Variants in COMMD1 observed in about 807,000 individuals in gnomAD.
COMMD1 encodes copper metabolism domain containing 1.
Under a neutral mutation model 17.2 loss-of-function variants are expected in COMMD1, and 10 were observed. The ratio of observed to expected loss-of-function variants is 0.58; its 90% confidence interval spans 0.36 to 0.99. The LOEUF (loss-of-function observed/expected upper bound fraction) is 0.99. Among genes scored for constraint, COMMD1 ranks in the 50% least tolerant of loss-of-function variants. The pLI, the probability that COMMD1 is intolerant of heterozygous loss-of-function variation, is 0.01. For missense variants in COMMD1, 270 were observed against 231.8 expected (o/e 1.17, Z -1.07); for synonymous variants, 97 against 91.6 (o/e 1.06, Z -0.34).
intron 1 of COMMD1, among the ~76,000 whole-genome samples, chr2:61,936,179 A>G (rs914471994): frequency 6.6e-6 from 1 of 151,956 alleles, no homozygotes; most frequent in Non-Finnish European, 1.5e-5. Flanking sequence ...GTTTTGATGC[A>G]CCTATTAGCG....
chr2:61,998,517 C>T (rs1222094804), intron 1 of COMMD1, among the ~76,000 whole-genome samples: 1 of 152,126 alleles, frequency 6.6e-6, no homozygotes, highest in African/African-American at 2.4e-5. Context: ...AATTCGGCCT[C>T]CCAAAGTGCT....
intron 1 of COMMD1, among the ~76,000 whole-genome samples, chr2:61,981,781 G>T (rs1028402899): frequency 1.3e-5 from 2 of 152,116 alleles, no homozygotes; most frequent in African/African-American, 4.8e-5. Flanking sequence ...GCATGGGAAA[G>T]ACTTGCCCCC....
intron 1 of COMMD1, among the ~76,000 whole-genome samples, chr2:61,956,438 C>T (rs1418199570): frequency 2.6e-5 from 4 of 151,036 alleles, no homozygotes; most frequent in Admixed American, 6.6e-5. Context: ...GAGATGGAGT[C>T]TCGCTCTGTT....
intron 2 of COMMD1, among the ~76,000 whole-genome samples, chr2:62,117,906 C>T (rs969792533): frequency 2.6e-5 from 4 of 152,136 alleles, no homozygotes; most frequent in Non-Finnish European, 5.9e-5. Flanking sequence ...CTCCCCGCCC[C>T]CAACTTTTCT....
At chr2:62,004,648 A>G (rs538061936) in intron 2 of COMMD1, among the ~76,000 whole-genome samples, 1 of 152,226 alleles carries the variant, frequency 6.6e-6, no homozygotes, top group Non-Finnish European at 1.5e-5. Flanking sequence ...GAAAAGTTGT[A>G]AAGAATAAAG....
At chr2:62,032,844 C>T (rs1161409670) in intron 2 of COMMD1, among the ~76,000 whole-genome samples, 1 of 152,160 alleles carries the variant, frequency 6.6e-6, no homozygotes, top group South Asian at 2.1e-4. Context: ...GATCTTGGCT[C>T]ACTGCATCCT....
At chr2:62,115,387 G>A (rs1006444638) in intron 2 of COMMD1, among the ~76,000 whole-genome samples, 2 of 152,144 alleles carry the variant, frequency 1.3e-5, no homozygotes, top group African/African-American at 4.8e-5. Context: ...CTGTTTGGCT[G>A]GAATATCAGG....
intron 2 of COMMD1, among the ~76,000 whole-genome samples, chr2:62,025,541 C>T (rs546594554): frequency 6.6e-6 from 1 of 151,842 alleles, no homozygotes; most frequent in African/African-American, 2.4e-5. Flanking sequence ...TTAAAAAAAA[C>T]AAACAAAATC....
intron 2 of COMMD1, among the ~76,000 whole-genome samples, chr2:62,099,631 A>C (rs1439523202): frequency 6.6e-6 from 1 of 151,460 alleles, no homozygotes; most frequent in Non-Finnish European, 1.5e-5. Context: ...GTGGTGGATC[A>C]ATATGTGCTG....
intron 2 of COMMD1, among the ~76,000 whole-genome samples, chr2:62,068,501 T>A (rs1398767592): frequency 7.2e-5 from 11 of 152,140 alleles, no homozygotes; most frequent in Non-Finnish European, 1.6e-4. Flanking sequence ...AAACTTCTGC[T>A]GGAGTTCAAA....
intron 1 of COMMD1, among the ~76,000 whole-genome samples, chr2:61,992,514 A>G (rs1263454069): frequency 1.3e-5 from 2 of 152,168 alleles, no homozygotes; most frequent in Non-Finnish European, 2.9e-5. Context: ...CACTGCCTGT[A>G]TTTATATAGC....
intron 2 of COMMD1, among the ~76,000 whole-genome samples, chr2:62,002,188 T>A (rs1374942208): frequency 2.0e-5 from 3 of 148,800 alleles, no homozygotes; most frequent in Admixed American, 6.7e-5. Flanking sequence ...AAATTTTTTT[T>A]AAATAATAAA....
chr2:62,121,159 C>T (rs1353587090), intron 2 of COMMD1, among the ~76,000 whole-genome samples: 5 of 151,940 alleles, frequency 3.3e-5, no homozygotes, highest in Admixed American at 1.3e-4. Context: ...CACTTGAGTT[C>T]AGGAGTTCGA....
At chr2:62,099,340 C>T (rs970683336) in intron 2 of COMMD1, among the ~76,000 whole-genome samples, 7 of 152,060 alleles carry the variant, frequency 4.6e-5, no homozygotes, top group East Asian at 1.9e-4. Flanking sequence ...TTCTTTGATT[C>T]GGGAGCCTCA....
At chr2:62,014,333 G>A (rs1378113798) in intron 2 of COMMD1, among the ~76,000 whole-genome samples, 3 of 151,900 alleles carry the variant, frequency 2.0e-5, no homozygotes, top group Non-Finnish European at 4.4e-5. Context: ...CTAAACTCAG[G>A]GCAACAGTGT....
intron 1 of COMMD1, among the ~76,000 whole-genome samples, chr2:61,972,648 A>G (rs1284621417): frequency 1.3e-5 from 2 of 152,164 alleles, no homozygotes; most frequent in African/African-American, 4.8e-5. Flanking sequence ...TCTCCCCAAA[A>G]CACATAACCT....
intron 2 of COMMD1, among the ~76,000 whole-genome samples, chr2:62,119,463 C>G (rs1167603012): frequency 1.3e-5 from 2 of 152,186 alleles, no homozygotes; most frequent in Non-Finnish European, 2.9e-5. Context: ...ACCCATACAA[C>G]TCCACCCCAG....
At chr2:62,123,500 T>TC (rs145887068) in intron 2 of COMMD1, among the ~76,000 whole-genome samples, 40,563 of 124,830 alleles carry the variant, frequency 0.32, 6,176 homozygotes, top group Admixed American at 0.39. Flanking sequence ...GCAAGACATG[T>TC]GAAAAAAAAA....
intron 1 of COMMD1, among the ~76,000 whole-genome samples, chr2:61,974,177 C>T (rs988794185): frequency 1.3e-5 from 2 of 152,032 alleles, no homozygotes; most frequent in African/African-American, 4.8e-5. Context: ...CTTTGTAATC[C>T]CAGCTACTCA....
Sources: gnomAD v4.1 joint callset for allele counts (sites outside exome capture counted in the v4.1 genomes callset) on GRCh38, gnomAD v4.1.1 for gene constraint, MANE v1.5 for transcripts, NCBI Gene and HGNC (gene_info 2026-07-23, HGNC 2026-07-21) for gene names.